The following FOXP2 variants were observed in gnomAD, a reference collection of about 807,000 sequenced individuals.
FOXP2 encodes the protein forkhead box P2, also known as forkhead box protein P2.
Under a neutral mutation model 115.8 loss-of-function variants are expected in FOXP2, and 12 were observed. The ratio of observed to expected loss-of-function variants is 0.10; its 90% CI spans 0.07 to 0.17. The LOEUF (loss-of-function observed/expected upper bound fraction) is 0.17, where lower values mean the gene tolerates loss of function less well. Among genes scored for constraint, FOXP2 ranks in the 10% least tolerant of loss-of-function variants. The pLI, the probability that FOXP2 is intolerant of heterozygous loss-of-function variation, is 1.00. For synonymous variants in FOXP2, 328 were observed against 297.7 expected, an observed-to-expected ratio of 1.10 and a Z score of -1.05; for missense variants, 629 against 843.5, an observed-to-expected ratio of 0.75 and a Z score of 3.15.
At chr7:114,323,360 A>G (rs1472056751) in intron 2 of FOXP2, among the ~76,000 whole-genome samples, 2 of 152,088 alleles carry the variant, frequency 1.3e-5, no homozygotes, top group Non-Finnish European at 1.5e-5. Context: ...TGTCTTTCTC[A>G]TTGGTTTTAT....
chr7:114,489,075 T>C (rs569929572), intron 2 of FOXP2, among the ~76,000 whole-genome samples: 2 of 152,300 alleles, frequency 1.3e-5, no homozygotes, highest in South Asian at 4.1e-4. Flanking sequence ...TTTTGGGCAC[T>C]TTCTAAGTGA....
intron 2 of FOXP2, among the ~76,000 whole-genome samples, chr7:114,400,776 A>G (rs928722120): frequency 1.3e-5 from 2 of 152,064 alleles, no homozygotes; most frequent in Admixed American, 6.6e-5. Context: ...ACCTCCTGCT[A>G]TGTGGCCCAG....
At chr7:114,203,953 A>G (rs1794138661) in intron 1 of FOXP2, among the ~76,000 whole-genome samples, 1 of 152,102 alleles carries the variant, frequency 6.6e-6, no homozygotes, top group South Asian at 2.1e-4. Flanking sequence ...TCTATGTTTC[A>G]TTGTAAATAG....
chr7:114,375,534 T>C (rs1792117956), intron 2 of FOXP2, among the ~76,000 whole-genome samples: 1 of 152,174 alleles, frequency 6.6e-6, no homozygotes, highest in African/African-American at 2.4e-5. Flanking sequence ...ATGTGACAAA[T>C]TGCCTCAAAA....
At chr7:114,124,117 C>T (rs1791639646) in intron 1 of FOXP2, among the ~76,000 whole-genome samples, 1 of 151,982 alleles carries the variant, frequency 6.6e-6, no homozygotes, top group South Asian at 2.1e-4. Context: ...GTAAATATAT[C>T]CTCTAACTAC....
intron 1 of FOXP2, among the ~76,000 whole-genome samples, chr7:114,131,784 A>G (rs941164537): frequency 2.0e-5 from 3 of 152,198 alleles, no homozygotes; most frequent in Non-Finnish European, 2.9e-5. Flanking sequence ...TCTTTGTACA[A>G]AGCTGTATGA....
intron 2 of FOXP2, among the ~76,000 whole-genome samples, chr7:114,361,633 G>A (rs1482206858): frequency 6.6e-6 from 1 of 152,074 alleles, no homozygotes; most frequent in Non-Finnish European, 1.5e-5. Flanking sequence ...CTTTTATATA[G>A]CAATTAGTGT....
chr7:114,371,908 G>A (rs1792018286), intron 2 of FOXP2, among the ~76,000 whole-genome samples: 1 of 152,196 alleles, frequency 6.6e-6, no homozygotes, highest in South Asian at 2.1e-4. Flanking sequence ...GAAATCAATA[G>A]TAATATTTAC....
chr7:114,687,258 C>CA (rs1808416109), intron 16 of FOXP2, among the ~76,000 whole-genome samples: 1 of 152,098 alleles, frequency 6.6e-6, no homozygotes, highest in South Asian at 2.1e-4. Context: ...TTTGTGTCAC[C>CA]ATAAAGAATG....
At chr7:114,598,321 T>C (rs1802834796) in intron 3 of FOXP2, among the ~76,000 whole-genome samples, 1 of 152,004 alleles carries the variant, frequency 6.6e-6, no homozygotes, top group African/African-American at 2.4e-5. Flanking sequence ...AGGATAAATG[T>C]GGTGCTTTTT....
At chr7:114,365,771 G>A (rs146449862) in intron 2 of FOXP2, among the ~76,000 whole-genome samples, 2,181 of 152,146 alleles carry the variant, frequency 0.014, 29 homozygotes, top group Non-Finnish European at 0.022. Context: ...TGTAGTTTCA[G>A]AATTTCCCTA....
chr7:114,460,104 A>G (rs1269867620), intron 2 of FOXP2, among the ~76,000 whole-genome samples: 3 of 152,310 alleles, frequency 2.0e-5, no homozygotes, highest in African/African-American at 4.8e-5. Context: ...ACAGCTTAGC[A>G]ATGAAAATCA....
chr7:114,259,122 A>G (rs1391158526), intron 1 of FOXP2, among the ~76,000 whole-genome samples: 2 of 152,190 alleles, frequency 1.3e-5, no homozygotes, highest in Non-Finnish European at 2.9e-5. Context: ...GTCTTCGATC[A>G]ACTTATTACA....
intron 3 of FOXP2, among the ~76,000 whole-genome samples, chr7:114,586,712 C>G (rs1053883803): frequency 1.3e-5 from 2 of 152,088 alleles, no homozygotes; most frequent in Admixed American, 1.3e-4. Context: ...CAGTATTTCA[C>G]TGGGTATATT....
chr7:114,579,114 G>T (rs1276307608), intron 3 of FOXP2, among the ~76,000 whole-genome samples: 2 of 152,032 alleles, frequency 1.3e-5, no homozygotes, highest in African/African-American at 4.8e-5. Context: ...CCAGTTGTTT[G>T]TTTACTATGT....
chr7:114,340,607 C>G (rs999869970), intron 2 of FOXP2, among the ~76,000 whole-genome samples: 1 of 151,072 alleles, frequency 6.6e-6, no homozygotes, highest in African/African-American at 2.4e-5. Flanking sequence ...TAACTTTGTA[C>G]AATATAAGAC....
intron 11 of FOXP2, among the ~76,000 whole-genome samples, chr7:114,658,713 C>A (rs968280968): frequency 4.6e-5 from 7 of 152,180 alleles, no homozygotes; most frequent in Admixed American, 3.3e-4. Context: ...TGTCACAGCT[C>A]CTAATGCCGA....
intron 3 of FOXP2, chr7:114,613,755 CTTTCT>C (rs1485762931): frequency 6.7e-6 from 1 of 149,942 alleles, no homozygotes; most frequent in Non-Finnish European, 1.5e-5. Flanking sequence ...CTCCTTGTTT[CTTTCT>C]TTTCTTTTTT....
chr7:114,601,492 A>G (rs1457234017), intron 3 of FOXP2, among the ~76,000 whole-genome samples: 7 of 152,022 alleles, frequency 4.6e-5, no homozygotes, highest in Admixed American at 4.6e-4. Context: ...ATTAATTTCT[A>G]TTCTTAACGT....
Sources: allele counts gnomAD v4.1 joint callset (sites outside exome capture counted in the v4.1 genomes callset), GRCh38; gene constraint gnomAD v4.1.1; transcripts MANE v1.5; gene names NCBI Gene and HGNC (gene_info 2026-07-23, HGNC 2026-07-21).